CFAP221: variants seen among roughly 807,000 people sequenced by gnomAD.
CFAP221 encodes the protein cilia- and flagella-associated protein 221.
A neutral mutation model predicts 113.1 loss-of-function variants in CFAP221; 97 were observed. The observed-to-expected ratio is 0.86, with a 90% CI of 0.73 to 1.02. The LOEUF is 1.02. Among genes scored for constraint, CFAP221 ranks in the 50% least tolerant of loss-of-function variants. The probability of loss-of-function intolerance (pLI) is 0.00; values close to 1 mark genes in which losing one functional copy is unlikely to be tolerated. For synonymous variants in CFAP221, 331 were observed against 354.4 expected (o/e 0.93, Z 0.74); for missense variants, 1,025 against 1,013.4 (o/e 1.01, Z -0.16).
At chr2:119,646,857 C>A in intron 21 of CFAP221, 101 bp from the exon 22 acceptor site, 3 of 1,022,176 alleles carry the variant, frequency 2.9e-6, no homozygotes, top group South Asian at 1.6e-5. Flanking sequence ...GTAGTAGAGG[C>A]CTCGCCAGCA....
At chr2:119,659,050 A>G (rs1366556443), downstream of CFAP221, among the ~76,000 whole-genome samples, 2 of 150,864 alleles carry the variant, frequency 1.3e-5, no homozygotes, top group African/African-American at 4.9e-5. Flanking sequence ...TTCCAATTCC[A>G]GTCCAACACC....
chr2:119,548,307 TAA>T, intron 2 of CFAP221, among the ~76,000 whole-genome samples: 1 of 152,232 alleles, frequency 6.6e-6, no homozygotes, highest in East Asian at 1.9e-4. Context: ...TTAACCTTGC[TAA>T]GTCTTACCTC....
At chr2:119,643,689 G>A (rs1413826876) in intron 21 of CFAP221, among the ~76,000 whole-genome samples, 2 of 152,060 alleles carry the variant, frequency 1.3e-5, no homozygotes, top group Non-Finnish European at 2.9e-5. Context: ...GACTACAGGC[G>A]TGGGCCACCA....
chr2:119,576,447 A>T (rs950570725), intron 6 of CFAP221, among the ~76,000 whole-genome samples: 9 of 152,166 alleles, frequency 5.9e-5, no homozygotes, highest in African/African-American at 1.7e-4. Context: ...AAGTGAAAAC[A>T]TGCGGTATTT....
chr2:119,622,956 C>A (rs1223906409), intron 14 of CFAP221, among the ~76,000 whole-genome samples: 3 of 152,186 alleles, frequency 2.0e-5, no homozygotes, highest in Non-Finnish European at 4.4e-5. Flanking sequence ...TGAAAACTGG[C>A]ACAAGACAAG....
At chr2:119,603,105 G>A (rs1035986494) in intron 8 of CFAP221, among the ~76,000 whole-genome samples, 4 of 152,170 alleles carry the variant, frequency 2.6e-5, no homozygotes, top group Non-Finnish European at 4.4e-5. Flanking sequence ...AATACTGGCT[G>A]TAGTGCTCTC....
chr2:119,556,547 AT>A (rs969634818), intron 3 of CFAP221, among the ~76,000 whole-genome samples: 11 of 147,908 alleles, frequency 7.4e-5, no homozygotes, highest in African/African-American at 1.7e-4. Context: ...TTATTGCTAA[AT>A]TTTTTTTCTT....
chr2:119,611,718 A>T lies in CFAP221; in HGVS notation c.1287A>T (p.Lys429Asn). Residue 429 changes from lysine to asparagine, a missense_variant, in exon 13 of 24, where the codon AAA becomes AAT. Coordinates refer to ENST00000413369, the MANE Select transcript of CFAP221 (RefSeq NM_001271049.2). ...FQRLKTEVSH[K>N]RVVRNQEEKI... ...GACTTAAAACAGAAGTTAGCCATAA[A>T]CGGGTTGTTCGCAATCAAGAAGAGG... 6.2e-7 allele frequency: 1 copy of T among 1,613,808 alleles called. No homozygotes were observed. The highest frequency in any genetic ancestry group is 8.5e-7 in the Non-Finnish European group (1 of 1,179,844).
rs765889196 is a variant in CFAP221 at position 119,647,055 on chromosome 2, TTTTTTTTTTTTTAA to T, written c.2318+7_2318+20del. 7.9e-5 allele frequency: 8 copies of T among 101,240 alleles called. No individual in the cohort carries two copies. The East Asian group carries it at 3.4e-3, about 43-fold the overall frequency. The allele number at this position is 101,240 out of a possible 1,614,324, so 6.3% of individuals were successfully genotyped here. On this transcript the variant is annotated splice_donor_region_variant and intron_variant, in intron 22 of 23. Transcript: ENST00000413369. ...CAGACTAGAAACAGTAGAACGGTATTTTTTTTTTTTTTAATCTTTGGCCTCTAATGTGGTCTGTT... is the reference window on the plus strand; with the variant it reads ...CAGACTAGAAACAGTAGAACGGTATTTCTTTGGCCTCTAATGTGGTCTGTT...
chr2:119,546,996 C>T (rs1318337495), intron 2 of CFAP221, among the ~76,000 whole-genome samples: 1 of 152,188 alleles, frequency 6.6e-6, no homozygotes. Context: ...CATTATTTCC[C>T]CAACATGGCA....
chr2:119,545,150 T>C (rs1210503926), intron 1 of CFAP221: 1 of 151,952 alleles, frequency 6.6e-6, no homozygotes, highest in Non-Finnish European at 1.5e-5. Context: ...GTCTTGGGAG[T>C]CTGAAGCTAT....
Position 119,546,005 on chromosome 2 carries a change from C to T in CFAP221, c.-47-80C>T, listed in dbSNP as rs1208706851. On this transcript the variant is annotated intron_variant, in intron 1 of 23. Transcript: ENST00000413369. ...TGAACCACAGTAAACCACACAGAGA[C>T]GAGGTACATTTATCAAAGAAAGAGA... 7 of 1,030,480 alleles carry T rather than the reference C, an allele frequency of 6.8e-6. No homozygotes were observed. In the East Asian group the frequency reaches 1.3e-4, roughly 19 times the overall value. 63.8% of individuals were successfully genotyped at this position (1,030,480 alleles called of 1,614,324 possible).
At chr2:119,607,924 G>A (rs1308136089) in intron 11 of CFAP221, among the ~76,000 whole-genome samples, 1 of 152,216 alleles carries the variant, frequency 6.6e-6, no homozygotes, top group African/African-American at 2.4e-5. Context: ...GGACATTTCA[G>A]TAGTTTCCAC....
chr2:119,549,389 C>T (rs1680269611), intron 3 of CFAP221, among the ~76,000 whole-genome samples: 1 of 152,086 alleles, frequency 6.6e-6, no homozygotes, highest in African/African-American at 2.4e-5. Context: ...CAAAGGCTCC[C>T]CTTGCACTCT....
In CFAP221 at chr2:119,617,856, A is replaced by G. The variant is rs568833235; in HGVS notation, c.1410+2147A>G. Among the ~76,000 whole-genome samples, 25 of 152,382 alleles carry G rather than the reference A, an allele frequency of 1.6e-4. 1 individual carries two copies. Among genetic ancestry groups the G allele is most frequent in the South Asian group, 1.5e-3 (7 of 4,824 alleles). On this transcript the variant is annotated intron_variant, in intron 14 of 23. Transcript: ENST00000413369. ...ATTTTTATCAAGGCTACCAGGTCAC[A>G]TCGGATTTCTCTGTCCTTTAAACAT...
At chr2:119,579,262 T>C (rs1435455952) in intron 6 of CFAP221, among the ~76,000 whole-genome samples, 1 of 152,048 alleles carries the variant, frequency 6.6e-6, no homozygotes, top group African/African-American at 2.4e-5. Flanking sequence ...TAATTCAGTA[T>C]CCTACTCACT....
intron 6 of CFAP221, among the ~76,000 whole-genome samples, chr2:119,575,736 A>G (rs887806621): frequency 6.6e-6 from 1 of 152,250 alleles, no homozygotes; most frequent in Non-Finnish European, 1.5e-5. Flanking sequence ...TGGTTAAAAT[A>G]GTACATTTTA....
intron 7 of CFAP221, among the ~76,000 whole-genome samples, chr2:119,592,815 C>T (rs4480991): frequency 0.16 from 24,410 of 152,182 alleles, 2,178 homozygotes; most frequent in African/African-American, 0.24. Flanking sequence ...TGATCGTCCC[C>T]GGCTTTGGCT....
chr2:119,569,538 CA>C (rs1465166651), intron 6 of CFAP221, among the ~76,000 whole-genome samples: 1 of 151,964 alleles, frequency 6.6e-6, no homozygotes, highest in African/African-American at 2.4e-5. Flanking sequence ...TGATGTCTGA[CA>C]TTCATTTATG....
Sources: allele counts gnomAD v4.1 joint callset (sites outside exome capture counted in the v4.1 genomes callset), GRCh38; gene constraint gnomAD v4.1.1; transcripts MANE v1.5; gene names NCBI Gene and HGNC (gene_info 2026-07-23, HGNC 2026-07-21).